Variants in CDH13 observed in about 807,000 individuals in gnomAD.
CDH13 encodes the protein cadherin 13.
CDH13 carries 24 observed loss-of-function variants against 63.8 expected under a neutral mutation model. The observed-to-expected ratio is 0.38, with a 90% CI of 0.27 to 0.53. CDH13 has a LOEUF of 0.53. CDH13 is among the 20% of genes least tolerant of loss of function. CDH13 has a pLI of 0.85. For missense variants in CDH13, 1,049 were observed against 903.1 expected, an observed-to-expected ratio of 1.16 and a Z score of -2.07; for synonymous variants, 503 against 355.3, an observed-to-expected ratio of 1.42 and a Z score of -4.67.
chr16:83,575,049 A>G (rs746535595), intron 7 of CDH13, among the ~76,000 whole-genome samples: 6 of 152,192 alleles, frequency 3.9e-5, no homozygotes, highest in Non-Finnish European at 7.3e-5. Context: ...ATACAATAGA[A>G]TATTATTTGG....
intron 1 of CDH13, among the ~76,000 whole-genome samples, chr16:82,781,838 C>A (rs184422804): frequency 6.6e-6 from 1 of 152,220 alleles, no homozygotes; most frequent in African/African-American, 2.4e-5. Context: ...GGATCTAGTA[C>A]GGGAGTATAT....
intron 1 of CDH13, among the ~76,000 whole-genome samples, chr16:82,735,549 T>G (rs767769341): frequency 2.9e-4 from 44 of 152,264 alleles, no homozygotes; most frequent in Non-Finnish European, 5.0e-4. Context: ...ATAATTTGTT[T>G]CCAATCTGAC....
At chr16:82,993,693 T>C (rs1185874158) in intron 2 of CDH13, among the ~76,000 whole-genome samples, 1 of 152,194 alleles carries the variant, frequency 6.6e-6, no homozygotes, top group Non-Finnish European at 1.5e-5. Flanking sequence ...GCTGAACACG[T>C]GTTACACCTC....
intron 6 of CDH13, among the ~76,000 whole-genome samples, chr16:83,434,111 G>A (rs2072211537): frequency 6.6e-6 from 1 of 152,062 alleles, no homozygotes; most frequent in Non-Finnish European, 1.5e-5. Context: ...TAATTTGAAG[G>A]GGCATCGTTA....
At chr16:83,294,433 T>C (rs996243743) in intron 5 of CDH13, among the ~76,000 whole-genome samples, 1 of 152,160 alleles carries the variant, frequency 6.6e-6, no homozygotes, top group African/African-American at 2.4e-5. Flanking sequence ...ACCACCATTC[T>C]ACTCACTACT....
chr16:83,395,631 A>G (rs2091873379), intron 6 of CDH13, among the ~76,000 whole-genome samples: 1 of 152,112 alleles, frequency 6.6e-6, no homozygotes, highest in African/African-American at 2.4e-5. Context: ...TCATTGCTCA[A>G]AGGTGGTAGA....
chr16:83,631,722 G>A (rs549707347), intron 8 of CDH13, among the ~76,000 whole-genome samples: 2 of 152,224 alleles, frequency 1.3e-5, no homozygotes, highest in South Asian at 2.1e-4. Flanking sequence ...GCCAGCCTTG[G>A]TGACTCCTAG....
intron 5 of CDH13, among the ~76,000 whole-genome samples, chr16:83,245,400 C>T (rs1030536740): frequency 6.6e-6 from 1 of 152,230 alleles, no homozygotes; most frequent in Non-Finnish European, 1.5e-5. Flanking sequence ...CTTTACACTT[C>T]AGCATTGACA....
intron 10 of CDH13, among the ~76,000 whole-genome samples, chr16:83,724,646 G>A (rs528716581): frequency 2.6e-5 from 4 of 152,248 alleles, no homozygotes; most frequent in South Asian, 2.1e-4. Flanking sequence ...GACTATGTTG[G>A]GGCTTGTCTC....
chr16:83,503,419 C>G (rs1389055817), intron 7 of CDH13, among the ~76,000 whole-genome samples: 1 of 152,092 alleles, frequency 6.6e-6, no homozygotes, highest in African/African-American at 2.4e-5. Context: ...TGGGTGGAGC[C>G]CATCTCAGGA....
In CDH13 at chr16:83,447,071, A is replaced by C. The variant is rs573528032; in HGVS notation, c.782-39406A>C. 2.6e-3 allele frequency among the ~76,000 whole-genome samples: 355 copies of C among 135,742 alleles called. 4 individuals carry two copies. Among genetic ancestry groups the C allele is most frequent in the African/African-American group, 9.1e-3 (338 of 37,334 alleles). 89.1% of individuals were successfully genotyped at this position (135,742 alleles called of 152,430 possible). A position where few individuals can be genotyped will look rare whatever the true frequency, so the allele number is the denominator to read the frequency against. On this transcript the variant is annotated intron_variant, in intron 6 of 13. Transcript: ENST00000567109. ...CCCGTCTTAAAAAAAAAAAAAAAAAAAAACAAAAAACACCTTATAGTAACC... is the reference window on the plus strand; with the variant it reads ...CCCGTCTTAAAAAAAAAAAAAAAAACAAACAAAAAACACCTTATAGTAACC...
chr16:83,107,279 C>G (rs953683766), intron 3 of CDH13, among the ~76,000 whole-genome samples: 1 of 151,950 alleles, frequency 6.6e-6, no homozygotes, highest in Non-Finnish European at 1.5e-5. Flanking sequence ...AAAAGGGACC[C>G]CTATGGGGAA....
intron 7 of CDH13, among the ~76,000 whole-genome samples, chr16:83,593,336 C>T (rs1378727088): frequency 6.6e-6 from 1 of 152,146 alleles, no homozygotes; most frequent in African/African-American, 2.4e-5. Context: ...TACAGCCTTC[C>T]TTGACTCCTA....
chr16:83,466,629 A>G (rs543662309), intron 6 of CDH13, among the ~76,000 whole-genome samples: 1 of 152,354 alleles, frequency 6.6e-6, no homozygotes, highest in African/African-American at 2.4e-5. Flanking sequence ...CTCATGTCCC[A>G]TGGAATGAAA....
intron 7 of CDH13, among the ~76,000 whole-genome samples, chr16:83,537,361 T>C (rs1176073081): frequency 1.3e-5 from 2 of 152,188 alleles, no homozygotes; most frequent in East Asian, 1.9e-4. Context: ...TGTAGAACTT[T>C]AGGCTGCAAC....
At chr16:83,340,221 A>G (rs929614837) in intron 5 of CDH13, among the ~76,000 whole-genome samples, 1 of 152,282 alleles carries the variant, frequency 6.6e-6, no homozygotes, top group East Asian at 1.9e-4. Flanking sequence ...ATTGGAAAAA[A>G]TTGATGTTTA....
At chr16:82,858,860 T>G (rs1195459308) in intron 2 of CDH13, 1 of 255,320 alleles carries the variant, frequency 3.9e-6, no homozygotes. Flanking sequence ...ATACATAGCA[T>G]TAGATCAAAA....
At chr16:83,665,244 G>T (rs976975020) in intron 8 of CDH13, among the ~76,000 whole-genome samples, 1 of 152,080 alleles carries the variant, frequency 6.6e-6, no homozygotes, top group Non-Finnish European at 1.5e-5. Flanking sequence ...TTATATGGCA[G>T]ACTGTGATAA....
At chr16:83,266,952 C>T (rs74457662) in intron 5 of CDH13, among the ~76,000 whole-genome samples, 9,274 of 152,244 alleles carry the variant, frequency 0.061, 380 homozygotes, top group Middle Eastern at 0.15. Context: ...TTTTTTTCTA[C>T]TCATGTTCTG....
Sources: allele counts gnomAD v4.1 joint callset (sites outside exome capture counted in the v4.1 genomes callset), GRCh38; gene constraint gnomAD v4.1.1; transcripts MANE v1.5; gene names NCBI Gene and HGNC (gene_info 2026-07-23, HGNC 2026-07-21).